Variants in LUZP2 observed in about 807,000 individuals in gnomAD.
LUZP2 encodes the protein leucine zipper protein 2.
LUZP2 carries 52 observed loss-of-function variants against 51.6 expected under a neutral mutation model. The ratio of observed to expected loss-of-function variants is 1.01; its 90% CI spans 0.81 to 1.27. The LOEUF (loss-of-function observed/expected upper bound fraction) is 1.27, where lower values mean the gene tolerates loss of function less well. Ranked by LOEUF, LUZP2 falls within the 50% of genes most tolerant of loss-of-function variation. LUZP2 has a pLI of 0.00. For synonymous variants in LUZP2, 154 were observed against 137.3 expected, an observed-to-expected ratio of 1.12 and a Z score of -0.85; for missense variants, 436 against 395.4, an observed-to-expected ratio of 1.10 and a Z score of -0.87.
intron 5 of LUZP2, chr11:24,892,758 A>G (rs6484080): frequency 0.46 from 69,894 of 152,134 alleles, 16,232 homozygotes; most frequent in Non-Finnish European, 0.48. Context: ...TTGAACATCT[A>G]TCTTATGTTG....
At chr11:24,844,964 G>A (rs141574162) in intron 5 of LUZP2, among the ~76,000 whole-genome samples, 2,098 of 142,672 alleles carry the variant, frequency 0.015, 54 homozygotes, top group African/African-American at 0.051. Flanking sequence ...ACCTCTGCTA[G>A]GGCAGTGAGG....
intron 1 of LUZP2, among the ~76,000 whole-genome samples, chr11:24,711,668 C>T (rs1252059618): frequency 6.6e-6 from 1 of 151,966 alleles, no homozygotes; most frequent in Non-Finnish European, 1.5e-5. Context: ...AATTTGATTT[C>T]TTTATACACA....
At chr11:24,670,700 TTA>T (rs903296905) in intron 1 of LUZP2, among the ~76,000 whole-genome samples, 2 of 151,998 alleles carry the variant, frequency 1.3e-5, no homozygotes, top group East Asian at 1.9e-4. Flanking sequence ...CTCTATTAAC[TTA>T]TATGTTATTT....
At chr11:24,809,911 A>G (rs369259427) in intron 5 of LUZP2, among the ~76,000 whole-genome samples, 5 of 152,142 alleles carry the variant, frequency 3.3e-5, no homozygotes, top group African/African-American at 1.2e-4. Context: ...AATTTTCTTT[A>G]TATAGTTATA....
intron 9 of LUZP2, among the ~76,000 whole-genome samples, chr11:25,034,475 A>G (rs570033611): frequency 6.6e-6 from 1 of 152,170 alleles, no homozygotes; most frequent in South Asian, 2.1e-4. Context: ...TTGGGGACTT[A>G]GCCAAAATTT....
chr11:24,838,023 C>T (rs193021392), intron 5 of LUZP2, among the ~76,000 whole-genome samples: 157 of 151,666 alleles, frequency 1.0e-3, no homozygotes, highest in Non-Finnish European at 1.2e-3. Flanking sequence ...CTGTTGTTAG[C>T]CCTTCATATT....
chr11:24,885,273 C>T (rs1389813208), intron 5 of LUZP2, among the ~76,000 whole-genome samples: 1 of 152,014 alleles, frequency 6.6e-6, no homozygotes, highest in Non-Finnish European at 1.5e-5. Flanking sequence ...TTTATGTTTA[C>T]AAAATGAAGT....
intron 1 of LUZP2, among the ~76,000 whole-genome samples, chr11:24,534,791 T>G (rs2133831876): frequency 6.6e-6 from 1 of 151,584 alleles, no homozygotes; most frequent in Non-Finnish European, 1.5e-5. Flanking sequence ...TTAGTTGTTT[T>G]GAATGATGCT....
At chr11:25,060,004 T>G (rs1318843723) in intron 10 of LUZP2, among the ~76,000 whole-genome samples, 2 of 152,156 alleles carry the variant, frequency 1.3e-5, no homozygotes, top group African/African-American at 2.4e-5. Flanking sequence ...TAGGAACCTT[T>G]ATATGTTTTT....
chr11:24,623,636 G>A (rs113356779), intron 1 of LUZP2, among the ~76,000 whole-genome samples: 27,844 of 151,958 alleles, frequency 0.18, 2,867 homozygotes, highest in African/African-American at 0.27. Context: ...ACCTAAAGTC[G>A]GGAGTTGGAG....
chr11:24,783,134 A>C (rs1849139681), intron 5 of LUZP2, among the ~76,000 whole-genome samples: 1 of 152,042 alleles, frequency 6.6e-6, no homozygotes, highest in South Asian at 2.1e-4. Flanking sequence ...TAATCTTTGT[A>C]ACTATCACAA....
At chr11:24,839,889 A>G (rs1850972384) in intron 5 of LUZP2, among the ~76,000 whole-genome samples, 1 of 151,736 alleles carries the variant, frequency 6.6e-6, no homozygotes, top group Admixed American at 6.6e-5. Flanking sequence ...GCAGTCTGGT[A>G]ATGCAATTAG....
chr11:25,012,163 T>A (rs1169100600), intron 9 of LUZP2, among the ~76,000 whole-genome samples: 3 of 152,198 alleles, frequency 2.0e-5, no homozygotes, highest in Non-Finnish European at 4.4e-5. Context: ...GAGCATTTAA[T>A]AAACACTGAG....
chr11:24,515,387 G>A (rs1246383431), intron 1 of LUZP2, among the ~76,000 whole-genome samples: 1 of 152,072 alleles, frequency 6.6e-6, no homozygotes, highest in African/African-American at 2.4e-5. Context: ...TTGGCAATTG[G>A]TTGGTTTATA....
chr11:24,930,744 A>G (rs1211774069), intron 7 of LUZP2, among the ~76,000 whole-genome samples: 3 of 152,044 alleles, frequency 2.0e-5, no homozygotes, highest in Non-Finnish European at 2.9e-5. Context: ...GTGTTCTTTG[A>G]GGTTCTTGTA....
At chr11:24,793,998 A>G (rs1564900549) in intron 5 of LUZP2, among the ~76,000 whole-genome samples, 1 of 152,188 alleles carries the variant, frequency 6.6e-6, no homozygotes, top group Non-Finnish European at 1.5e-5. Flanking sequence ...GTCTGAGAAG[A>G]TACAAGGATC....
rs149887928 is a variant in LUZP2 at position 25,005,353 on chromosome 11, C to T, written c.765+22060C>T. Among the ~76,000 whole-genome samples the T allele has an allele frequency of 3.3e-5, 5 of 152,268 alleles. No individual in the cohort carries two copies. The East Asian group carries it at 9.7e-4, about 29-fold the overall frequency. On this transcript the variant is annotated intron_variant, in intron 9 of 11. Transcript: ENST00000336930. ...ACCTTCAATTAAAAGAAAGCTTGGA[C>T]ATAAGGTATCTCACTCCATTTGCCT...
intron 7 of LUZP2, among the ~76,000 whole-genome samples, chr11:24,918,383 G>A (rs1853871600): frequency 1.3e-5 from 2 of 151,974 alleles, no homozygotes; most frequent in African/African-American, 4.8e-5. Context: ...TTGAATAGGA[G>A]TGGTGAGAGA....
At chr11:25,027,047 C>T (rs1590851624) in intron 9 of LUZP2, among the ~76,000 whole-genome samples, 1 of 152,040 alleles carries the variant, frequency 6.6e-6, no homozygotes, top group Middle Eastern at 3.4e-3. Flanking sequence ...CATCCACAAA[C>T]ATAATATCAA....
Sources: allele counts gnomAD v4.1 joint callset (sites outside exome capture counted in the v4.1 genomes callset), GRCh38; gene constraint gnomAD v4.1.1; transcripts MANE v1.5; gene names NCBI Gene and HGNC (gene_info 2026-07-23, HGNC 2026-07-21).